Variants in NRG3 observed in about 807,000 individuals in gnomAD.
NRG3 encodes pro-neuregulin-3, membrane-bound isoform.
NRG3 carries 31 observed loss-of-function variants against 66.9 expected under a neutral mutation model. The ratio of observed to expected loss-of-function variants is 0.46; its 90% CI spans 0.35 to 0.63. The LOEUF is 0.63. NRG3 is among the 20% of genes least tolerant of loss of function. The probability of loss-of-function intolerance (pLI) is 0.00; values close to 1 mark genes in which losing one functional copy is unlikely to be tolerated. For missense variants in NRG3, 910 were observed against 878.9 expected (o/e 1.04, Z -0.45); for synonymous variants, 393 against 359.4 (o/e 1.09, Z -1.06).
intron 2 of NRG3, among the ~76,000 whole-genome samples, chr10:82,575,880 C>A (rs1301003682): frequency 6.6e-6 from 1 of 151,690 alleles, no homozygotes; most frequent in African/African-American, 2.4e-5. Context: ...ATTTCTCATG[C>A]ATGAGTGAAG....
intron 1 of NRG3, among the ~76,000 whole-genome samples, chr10:81,949,231 G>A (rs1290776351): frequency 2.0e-5 from 3 of 152,090 alleles, no homozygotes; most frequent in Non-Finnish European, 4.4e-5. Context: ...GCTCTTCAGT[G>A]TGACCCAAGG....
chr10:82,555,665 G>T (rs1380807955), intron 2 of NRG3, among the ~76,000 whole-genome samples: 2 of 152,066 alleles, frequency 1.3e-5, no homozygotes, highest in Admixed American at 6.6e-5. Flanking sequence ...TCAGTGATCT[G>T]CCTTCTACCA....
At chr10:82,837,544 A>G (rs1286410118) in intron 3 of NRG3, among the ~76,000 whole-genome samples, 3 of 152,184 alleles carry the variant, frequency 2.0e-5, no homozygotes, top group Admixed American at 2.0e-4. Flanking sequence ...AATAAAGGGA[A>G]GTTAACGATC....
At chr10:82,065,292 ACT>A (rs1042955017) in intron 1 of NRG3, among the ~76,000 whole-genome samples, 2 of 151,938 alleles carry the variant, frequency 1.3e-5, no homozygotes, top group African/African-American at 2.4e-5. Context: ...ATTGCAGAAC[ACT>A]CTGCTTCCTC....
chr10:81,899,336 A>G (rs1239352178), intron 1 of NRG3, among the ~76,000 whole-genome samples: 1 of 152,164 alleles, frequency 6.6e-6, no homozygotes, highest in Non-Finnish European at 1.5e-5. Flanking sequence ...TTCACCTAAC[A>G]TTTTGTTAGT....
chr10:82,404,736 T>C (rs765965319), intron 2 of NRG3, among the ~76,000 whole-genome samples: 4 of 152,168 alleles, frequency 2.6e-5, no homozygotes, highest in Non-Finnish European at 5.9e-5. Flanking sequence ...TGGAGTCTAT[T>C]ACAGTTAATC....
chr10:82,319,403 A>T (rs1363429210), intron 1 of NRG3, among the ~76,000 whole-genome samples: 1 of 152,220 alleles, frequency 6.6e-6, no homozygotes, highest in Admixed American at 6.5e-5. Context: ...GCATAATTTA[A>T]CTTTCGGAAG....
intron 2 of NRG3, among the ~76,000 whole-genome samples, chr10:82,598,407 G>A (rs909155022): frequency 1.3e-5 from 2 of 152,154 alleles, no homozygotes; most frequent in African/African-American, 4.8e-5. Flanking sequence ...ATGGGAGAAG[G>A]GCAATATGCA....
At chr10:82,924,769 T>A (rs1489746232) in intron 4 of NRG3, among the ~76,000 whole-genome samples, 1 of 152,248 alleles carries the variant, frequency 6.6e-6, no homozygotes, top group East Asian at 1.9e-4. Context: ...CCTCTGCATT[T>A]TGATGGGTAC....
At chr10:82,064,589 A>T (rs184199941) in intron 1 of NRG3, among the ~76,000 whole-genome samples, 225 of 152,294 alleles carry the variant, frequency 1.5e-3, no homozygotes, top group African/African-American at 4.9e-3. Context: ...GGATAAATGT[A>T]AAGCTATAGA....
At chr10:82,648,103 G>A (rs1368260832) in intron 2 of NRG3, among the ~76,000 whole-genome samples, 44 of 147,934 alleles carry the variant, frequency 3.0e-4, no homozygotes, top group South Asian at 4.3e-4. Flanking sequence ...GAATGGTACT[G>A]CCTAGGTTTT....
At chr10:82,085,768 C>T (rs1326299089) in intron 1 of NRG3, among the ~76,000 whole-genome samples, 1 of 151,998 alleles carries the variant, frequency 6.6e-6, no homozygotes, top group Non-Finnish European at 1.5e-5. Context: ...TCCCAAGTAA[C>T]CAGGATTACA....
chr10:81,952,247 TAAAG>T (rs1217143794), intron 1 of NRG3, among the ~76,000 whole-genome samples: 2 of 152,114 alleles, frequency 1.3e-5, no homozygotes, highest in African/African-American at 4.8e-5. Context: ...ATAATAATAA[TAAAG>T]AGTCATGCCA....
At chr10:82,019,176 T>A (rs139428742) in intron 1 of NRG3, among the ~76,000 whole-genome samples, 8,689 of 152,266 alleles carry the variant, frequency 0.057, 331 homozygotes, top group East Asian at 0.15. Flanking sequence ...AGGCCTTTTC[T>A]GCATCTATTG....
intron 2 of NRG3, among the ~76,000 whole-genome samples, chr10:82,547,795 C>T (rs1306777494): frequency 4.6e-5 from 7 of 152,110 alleles, no homozygotes; most frequent in African/African-American, 1.7e-4. Flanking sequence ...GTTATAGATC[C>T]ATGGTCAGTA....
At chr10:82,752,240 A>G (rs2058895505) in intron 3 of NRG3, among the ~76,000 whole-genome samples, 2 of 152,174 alleles carry the variant, frequency 1.3e-5, no homozygotes, top group Admixed American at 1.3e-4. Context: ...TAGGATAGTA[A>G]TACATTCACA....
chr10:82,382,729 A>G (rs1241428860), intron 2 of NRG3, among the ~76,000 whole-genome samples: 3 of 152,042 alleles, frequency 2.0e-5, no homozygotes, highest in Non-Finnish European at 4.4e-5. Context: ...AGTTATCTGT[A>G]CATTTTATAC....
chr10:82,170,677 T>A (rs192876112), intron 1 of NRG3, among the ~76,000 whole-genome samples: 1 of 112,982 alleles, frequency 8.9e-6, no homozygotes, highest in African/African-American at 3.9e-5. Flanking sequence ...TATATATATA[T>A]ATATATATAT....
chr10:82,371,659 A>G (rs2084903987), intron 2 of NRG3, among the ~76,000 whole-genome samples: 1 of 151,968 alleles, frequency 6.6e-6, no homozygotes, highest in African/African-American at 2.4e-5. Flanking sequence ...ATTTATAAAG[A>G]AAAAAAAGGT....
Sources: gnomAD v4.1 joint callset for allele counts (sites outside exome capture counted in the v4.1 genomes callset) on GRCh38, gnomAD v4.1.1 for gene constraint, MANE v1.5 for transcripts, NCBI Gene and HGNC (gene_info 2026-07-23, HGNC 2026-07-21) for gene names.